Variants in KLRG1 observed in about 807,000 individuals in gnomAD.
The protein encoded by KLRG1 is killer cell lectin-like receptor subfamily G member 1.
Under a neutral mutation model 21.8 loss-of-function variants are expected in KLRG1, and 16 were observed. The ratio of observed to expected loss-of-function variants is 0.73; its 90% confidence interval spans 0.50 to 1.11. The LOEUF is 1.11. Ranked by LOEUF, KLRG1 falls within the 50% of genes most tolerant of loss-of-function variation. The pLI, the probability that KLRG1 is intolerant of heterozygous loss-of-function variation, is 0.00. For synonymous variants in KLRG1, 69 were observed against 75.9 expected (o/e 0.91, Z 0.47); for missense variants, 173 against 218.3 (o/e 0.79, Z 1.31).
chr12:9,144,704 G>T, the KLRG1 span, among the ~76,000 whole-genome samples: 3 of 152,192 alleles, frequency 2.0e-5, no homozygotes, highest in East Asian at 1.9e-4. Context: ...GAATGTTTCT[G>T]TGTGGAGGAG....
At chr12:9,069,308 T>C in the KLRG1 span, among the ~76,000 whole-genome samples, 1 of 152,234 alleles carries the variant, frequency 6.6e-6, no homozygotes, top group Non-Finnish European at 1.5e-5. Flanking sequence ...ATCTATAAAA[T>C]CAGATTGGTT....
chr12:9,089,384 T>C, the KLRG1 span: 4 of 689,326 alleles, frequency 5.8e-6, no homozygotes, highest in African/African-American at 7.2e-5. Flanking sequence ...ATTCTGTACA[T>C]ATAAGCAATA....
At chr12:9,166,274 G>T in the KLRG1 span, 1 of 1,504,116 alleles carries the variant, frequency 6.6e-7, no homozygotes, top group Non-Finnish European at 9.0e-7. Context: ...TGAGACGTTA[G>T]AGAACAAAAT....
chr12:9,007,255 CTCTT>C (rs1947499582), intron 3 of KLRG1, among the ~76,000 whole-genome samples: 2 of 152,004 alleles, frequency 1.3e-5, no homozygotes, highest in Non-Finnish European at 2.9e-5. Context: ...CTTTTTGCCT[CTCTT>C]TATTTTATTT....
At chr12:8,958,620 G>A (rs2137208237) in intron 1 of KLRG1, among the ~76,000 whole-genome samples, 1 of 151,736 alleles carries the variant, frequency 6.6e-6, no homozygotes, top group East Asian at 2.0e-4. Context: ...ACTTTGGGAG[G>A]CTGAGATGGG....
Position 9,009,939 on chromosome 12 carries a change from ATTATT to A in KLRG1, c.*403_*407del. 6.6e-7 allele frequency: 1 copy of A among 1,524,984 alleles called. No homozygotes were observed. The highest frequency in any genetic ancestry group is 8.8e-7 in the Non-Finnish European group (1 of 1,137,966). The allele number at this position is 1,524,984 out of a possible 1,614,324, so 94.5% of individuals were successfully genotyped here. ...TATTGCTTGTGTACTAGAGAAGTAC[ATTATT>A]GCTGTACTCCTCTGTACATTACTGA... On this transcript the variant is annotated 3_prime_UTR_variant, in exon 5 of 5. Transcript: ENST00000356986.
the KLRG1 span, chr12:9,157,726 A>G: frequency 3.8e-6 from 6 of 1,565,528 alleles, no homozygotes; most frequent in African/African-American, 5.4e-5. Flanking sequence ...CAGCAAATCT[A>G]CAGTTTTCAT....
the KLRG1 span, among the ~76,000 whole-genome samples, chr12:9,208,839 G>C: frequency 6.6e-6 from 1 of 152,158 alleles, no homozygotes; most frequent in Non-Finnish European, 1.5e-5. Flanking sequence ...CTGGAAGAAA[G>C]TGATATAAAA....
chr12:9,009,237 CAAAAAA>C lies in KLRG1; in HGVS notation c.458+174_459-172del, dbSNP rs112576720. Among the ~76,000 whole-genome samples, 134 of 107,818 alleles carry C rather than the reference CAAAAAA, an allele frequency of 1.2e-3. 1 individual carries two copies. The East Asian group carries it at 0.018, about 14-fold the overall frequency. 70.7% of individuals were successfully genotyped at this position (107,818 alleles called of 152,430 possible). On this transcript the variant is annotated intron_variant, in intron 4 of 4. Coordinates refer to ENST00000356986, the MANE Select transcript of KLRG1 (RefSeq NM_005810.4). ...GAAGGGAATGAACAATGGGTAAGGG[CAAAAAA>C]AAAAAAAAAAAGGATAACATTTTAA...
At chr12:8,977,186 A>C (rs1370955200) in intron 1 of KLRG1, among the ~76,000 whole-genome samples, 2 of 149,180 alleles carry the variant, frequency 1.3e-5, no homozygotes, top group Non-Finnish European at 3.0e-5. Flanking sequence ...TTTCTTGTAG[A>C]CATTGCATCA....
At chr12:9,126,324 A>G in the KLRG1 span, among the ~76,000 whole-genome samples, 1 of 152,214 alleles carries the variant, frequency 6.6e-6, no homozygotes, top group East Asian at 1.9e-4. Context: ...TTGAAACTTT[A>G]TTTCAAAACA....
the KLRG1 span, among the ~76,000 whole-genome samples, chr12:9,143,697 G>A: frequency 6.6e-6 from 1 of 152,116 alleles, no homozygotes. Context: ...GCCATTTTCG[G>A]GCCATTAGCT....
At chr12:9,163,590 A>G in the KLRG1 span, 1 of 1,488,162 alleles carries the variant, frequency 6.7e-7, no homozygotes, top group Non-Finnish European at 9.2e-7. Context: ...CATGATATTA[A>G]TGGTTCTTTG....
the KLRG1 span, among the ~76,000 whole-genome samples, chr12:9,063,459 A>G: frequency 6.6e-6 from 1 of 152,194 alleles, no homozygotes; most frequent in African/African-American, 2.4e-5. Context: ...TATCCATTTC[A>G]TTTCCTGTCG....
chr12:9,102,560 C>A, the KLRG1 span, among the ~76,000 whole-genome samples: 6 of 152,134 alleles, frequency 3.9e-5, no homozygotes, highest in African/African-American at 9.7e-5. Flanking sequence ...GATTCTAATA[C>A]CTCAGAGGCC....
At chr12:9,194,715 C>T in the KLRG1 span, among the ~76,000 whole-genome samples, 1 of 152,128 alleles carries the variant, frequency 6.6e-6, no homozygotes, top group East Asian at 1.9e-4. Flanking sequence ...CTGCCCGCCT[C>T]GGCCTCCGAA....
chr12:9,204,056 T>A, the KLRG1 span: 3 of 1,176,510 alleles, frequency 2.5e-6, no homozygotes, highest in Non-Finnish European at 3.6e-6. Flanking sequence ...GCAATCAGTT[T>A]TATTCTAAAA....
chr12:9,002,912 C>CACAA (rs936477941), intron 3 of KLRG1, among the ~76,000 whole-genome samples: 9 of 103,118 alleles, frequency 8.7e-5, no homozygotes, highest in Non-Finnish European at 1.3e-4. Flanking sequence ...CTTTCTAATA[C>CACAA]ACACACACAC....
the KLRG1 span, among the ~76,000 whole-genome samples, chr12:9,070,095 A>G: frequency 2.5e-4 from 38 of 152,274 alleles, no homozygotes; most frequent in East Asian, 6.8e-3. Flanking sequence ...TTCAGTTTCT[A>G]TTTCTTCATA....
Sources: allele counts gnomAD v4.1 joint callset (sites outside exome capture counted in the v4.1 genomes callset), GRCh38; gene constraint gnomAD v4.1.1; transcripts MANE v1.5; gene names NCBI Gene and HGNC (gene_info 2026-07-23, HGNC 2026-07-21).